Variants in TCF4 observed in about 807,000 individuals in gnomAD.
The protein encoded by TCF4 is transcription factor 4.
A neutral mutation model predicts 82.1 loss-of-function variants in TCF4; 3 were observed. The observed-to-expected ratio is 0.04, with a 90% CI of 0.02 to 0.09. TCF4 has a LOEUF of 0.09. TCF4 is among the 10% of genes least tolerant of loss of function. TCF4 has a pLI of 1.00. For synonymous variants in TCF4, 276 were observed against 309.6 expected (o/e 0.89, Z 1.14); for missense variants, 518 against 852.7 (o/e 0.61, Z 4.89).
In TCF4 at chr18:55,340,416, CA is replaced by C. The variant is rs898701644; in HGVS notation, c.549+9942del. Among the ~76,000 whole-genome samples, 46 of 148,294 alleles carry C rather than the reference CA, an allele frequency of 3.1e-4. No homozygotes were observed. In the East Asian group the frequency reaches 5.3e-3, roughly 17 times the overall value. On this transcript the variant is annotated intron_variant, in intron 8 of 19. Transcript: ENST00000354452. ...AAACACAGGGAGACCCTGTCTCTACCAAAAAAAAAGAAAAAAATTAGCCAGG... is the reference window on the plus strand; with the variant it reads ...AAACACAGGGAGACCCTGTCTCTACCAAAAAAAAGAAAAAAATTAGCCAGG...
intron 3 of TCF4, among the ~76,000 whole-genome samples, chr18:55,484,130 A>G (rs927808297): frequency 6.6e-6 from 1 of 152,198 alleles, no homozygotes; most frequent in Admixed American, 6.5e-5. Flanking sequence ...ATGAGAGAGA[A>G]GTGACATCTG....
intron 2 of TCF4, among the ~76,000 whole-genome samples, chr18:55,617,440 T>G (rs1196649598): frequency 6.6e-6 from 1 of 152,194 alleles, no homozygotes; most frequent in Non-Finnish European, 1.5e-5. Context: ...ATAAGAATTC[T>G]AGGATTTTTT....
chr18:55,361,456 G>T (rs1160140082), intron 6 of TCF4, among the ~76,000 whole-genome samples: 1 of 152,212 alleles, frequency 6.6e-6, no homozygotes, highest in Non-Finnish European at 1.5e-5. Flanking sequence ...ATTGCTCACG[G>T]TTCCCTAATT....
intron 5 of TCF4, among the ~76,000 whole-genome samples, chr18:55,411,534 T>C (rs2094344828): frequency 6.6e-6 from 1 of 152,128 alleles, no homozygotes; most frequent in African/African-American, 2.4e-5. Flanking sequence ...AGAAATAAAA[T>C]ATTTTCACTA....
intron 2 of TCF4, among the ~76,000 whole-genome samples, chr18:55,599,059 A>T (rs1002082972): frequency 6.6e-6 from 1 of 152,220 alleles, no homozygotes; most frequent in Non-Finnish European, 1.5e-5. Context: ...GTTTACATTC[A>T]TCCCTAAGTA....
intron 3 of TCF4, among the ~76,000 whole-genome samples, chr18:55,542,216 T>C (rs2097170460): frequency 6.6e-6 from 1 of 151,984 alleles, no homozygotes; most frequent in Non-Finnish European, 1.5e-5. Flanking sequence ...AAAAGTTTCT[T>C]TGTTTCTGAG....
chr18:55,275,819 T>G, intron 9 of TCF4, 67 bp from the exon 10 acceptor site: 1 of 1,599,850 alleles, frequency 6.3e-7, no homozygotes, highest in Non-Finnish European at 8.6e-7. Flanking sequence ...ATAGGGTTTT[T>G]TCATATACTT....
chr18:55,597,599 G>A (rs192659404), intron 2 of TCF4, among the ~76,000 whole-genome samples: 15 of 151,994 alleles, frequency 9.9e-5, no homozygotes, highest in East Asian at 5.8e-4. Context: ...CCTGGGAAGC[G>A]GAGGTTGCAG....
chr18:55,481,861 C>T (rs1489284420), intron 3 of TCF4, among the ~76,000 whole-genome samples: 1 of 152,180 alleles, frequency 6.6e-6, no homozygotes, highest in Non-Finnish European at 1.5e-5. Flanking sequence ...ATCTTTAAAT[C>T]AGTGATTCTT....
chr18:55,465,157 T>C (rs548748927), intron 3 of TCF4, among the ~76,000 whole-genome samples: 1 of 152,100 alleles, frequency 6.6e-6, no homozygotes, highest in Non-Finnish European at 1.5e-5. Context: ...CTGACAGAAG[T>C]GGAGGAGGAA....
chr18:55,313,940 T>G (rs1794635015), intron 8 of TCF4, among the ~76,000 whole-genome samples: 1 of 151,784 alleles, frequency 6.6e-6, no homozygotes, highest in Non-Finnish European at 1.5e-5. Flanking sequence ...GACATTTCCC[T>G]CCCCCCCTTA....
intron 3 of TCF4, among the ~76,000 whole-genome samples, chr18:55,527,601 A>G (rs563918143): frequency 6.6e-6 from 1 of 152,266 alleles, no homozygotes; most frequent in South Asian, 2.1e-4. Context: ...TTTTTTCTCT[A>G]AATATTCAAG....
chr18:55,595,644 A>C (rs1157853880), intron 2 of TCF4, among the ~76,000 whole-genome samples: 3 of 152,218 alleles, frequency 2.0e-5, no homozygotes, highest in Non-Finnish European at 4.4e-5. Context: ...AAAAGGAAAA[A>C]AATAAAATTT....
At chr18:55,228,104 A>T in intron 19 of TCF4, 74 bp from the exon 20 acceptor site, 1 of 1,343,868 alleles carries the variant, frequency 7.4e-7, no homozygotes, top group Non-Finnish European at 1.0e-6. Context: ...TTTTAAAAAA[A>T]ATTCTTTTTC....
At chr18:55,368,154 G>C (rs1315393467) in intron 6 of TCF4, among the ~76,000 whole-genome samples, 1 of 152,244 alleles carries the variant, frequency 6.6e-6, no homozygotes, top group African/African-American at 2.4e-5. Context: ...GGGAGGCCAA[G>C]GCGGGTGGGT....
chr18:55,223,015 C>T lies in TCF4; in HGVS notation c.*5020G>A, dbSNP rs952875889. 6 of 152,344 alleles carry T rather than the reference C, an allele frequency of 3.9e-5. No individual in the cohort carries two copies. The highest frequency in any genetic ancestry group is 1.2e-4 in the African/African-American group (5 of 41,432). 9.4% of individuals were successfully genotyped at this position (152,344 alleles called of 1,614,324 possible). ...TTTAACAAAGTGATACAAAATAAAT[C>T]ATCTTAGATTTTTGACTGAAAAGAT... On this transcript the variant is annotated 3_prime_UTR_variant, in exon 20 of 20. Transcript: ENST00000354452.
intron 3 of TCF4, among the ~76,000 whole-genome samples, chr18:55,534,710 C>G (rs1810196724): frequency 6.6e-6 from 1 of 152,262 alleles, no homozygotes; most frequent in African/African-American, 2.4e-5. Flanking sequence ...TAAAAAAAAC[C>G]CCTTTTCAAG....
In TCF4 at chr18:55,273,220, G is replaced by A. The variant is rs1453240372; in HGVS notation, c.789+2399C>T. ...AACTTGACAGTCGCTACTGAAATAT[G>A]TGGATCTTAAGCTTTATAATTACAC... On this transcript the variant is annotated intron_variant, in intron 10 of 19. Transcript: ENST00000354452. 2.0e-5 allele frequency among the ~76,000 whole-genome samples: 3 copies of A among 152,254 alleles called. No homozygotes were observed. The East Asian group carries it at 5.8e-4, about 29-fold the overall frequency.
chr18:55,389,097 G>A (rs1043420833), intron 6 of TCF4, among the ~76,000 whole-genome samples: 1 of 152,102 alleles, frequency 6.6e-6, no homozygotes, highest in East Asian at 1.9e-4. Flanking sequence ...CTGCACTTCA[G>A]CCTGGGTGAC....
Sources: allele counts gnomAD v4.1 joint callset (sites outside exome capture counted in the v4.1 genomes callset), GRCh38; gene constraint gnomAD v4.1.1; transcripts MANE v1.5; gene names NCBI Gene and HGNC (gene_info 2026-07-23, HGNC 2026-07-21).